Variants in NCOA1 observed in about 807,000 individuals in gnomAD.
NCOA1 encodes the protein Hin-2 protein.
NCOA1 carries 35 observed loss-of-function variants against 150.9 expected under a neutral mutation model. The observed-to-expected ratio is 0.23, with a 90% CI of 0.18 to 0.31. NCOA1 has a LOEUF of 0.31. Ranked by LOEUF, NCOA1 falls within the 10% of genes least tolerant of loss-of-function variation. The pLI, the probability that NCOA1 is intolerant of heterozygous loss-of-function variation, is 1.00. For synonymous variants in NCOA1, 590 were observed against 630.0 expected (o/e 0.94, Z 0.95); for missense variants, 1,491 against 1,749.3 (o/e 0.85, Z 2.63).
In NCOA1 at chr2:24,718,007, G is replaced by A. The variant is rs1184047907; in HGVS notation, c.2599+6896G>A. ...TGCCTCTCAAGTTCAAGCAATTCTCGTGCCTCAGCCTTCCAAGTAGCTGGG... is the reference window on the plus strand; with the variant it reads ...TGCCTCTCAAGTTCAAGCAATTCTCATGCCTCAGCCTTCCAAGTAGCTGGG... On this transcript the variant is annotated intron_variant, in intron 14 of 22. Coordinates refer to ENST00000348332, the MANE Select transcript of NCOA1 (RefSeq NM_003743.5). 3.3e-5 allele frequency among the ~76,000 whole-genome samples: 5 copies of A among 149,422 alleles called. 1 individual carries two copies. The East Asian group carries it at 5.9e-4, about 18-fold the overall frequency.
At chr2:24,728,267 GC>G in intron 15 of NCOA1, 40 bp from the exon 16 acceptor site, 1 of 1,544,842 alleles carries the variant, frequency 6.5e-7, no homozygotes, top group Non-Finnish European at 8.8e-7. Context: ...TAAATTATTT[GC>G]TATGTCAGTC....
In NCOA1 at chr2:24,634,337, A is replaced by G. The variant is rs191587210; in HGVS notation, c.-174-9629A>G. ...TTGTTAATTCTGAGTGATAGATCAT[A>G]GGTATTTAGTTGTTGTGTTTTTCTT... On this transcript the variant is annotated intron_variant, in intron 3 of 22. Coordinates refer to ENST00000348332, the MANE Select transcript of NCOA1 (RefSeq NM_003743.5). Among the ~76,000 whole-genome samples the G allele has an allele frequency of 1.1e-3, 175 of 152,310 alleles. 2 individuals are homozygous for G. Among genetic ancestry groups the G allele is most frequent in the Non-Finnish European group, 2.1e-3 (144 of 68,018 alleles).
chr2:24,673,733 T>C (rs1443550780), intron 7 of NCOA1, among the ~76,000 whole-genome samples: 1 of 152,192 alleles, frequency 6.6e-6, no homozygotes, highest in East Asian at 1.9e-4. Context: ...TTTATTTCTG[T>C]GGTGGTTAGG....
At chr2:24,631,223 A>G (rs1292739280) in intron 3 of NCOA1, among the ~76,000 whole-genome samples, 4 of 152,168 alleles carry the variant, frequency 2.6e-5, no homozygotes, top group Admixed American at 2.0e-4. Context: ...TATAATTGCC[A>G]TTAGTGTTAA....
chr2:24,715,089 A>T (rs1673950968), intron 14 of NCOA1, among the ~76,000 whole-genome samples: 2 of 152,150 alleles, frequency 1.3e-5, no homozygotes, highest in South Asian at 2.1e-4. Context: ...TCAGAAATGC[A>T]GGTGAAATAA....
At chr2:24,628,733 A>T (rs904616044) in intron 3 of NCOA1, among the ~76,000 whole-genome samples, 6 of 152,226 alleles carry the variant, frequency 3.9e-5, no homozygotes, top group Non-Finnish European at 8.8e-5. Flanking sequence ...AATTGGATAG[A>T]TGAAGAAGGT....
At chr2:24,531,673 T>C (rs1664907851) in intron 1 of NCOA1, among the ~76,000 whole-genome samples, 1 of 152,204 alleles carries the variant, frequency 6.6e-6, no homozygotes, top group Non-Finnish European at 1.5e-5. Context: ...GTTCTCATTG[T>C]TCAGTTCCCA....
At chr2:24,597,208 A>G (rs1667921185) in intron 3 of NCOA1, among the ~76,000 whole-genome samples, 1 of 152,148 alleles carries the variant, frequency 6.6e-6, no homozygotes. Context: ...TGAGCTCATA[A>G]CCTATAACCT....
intron 4 of NCOA1, among the ~76,000 whole-genome samples, chr2:24,646,489 G>T (rs2148468194): frequency 6.6e-6 from 1 of 152,170 alleles, no homozygotes; most frequent in African/African-American, 2.4e-5. Flanking sequence ...TTGCATAGTT[G>T]TCACATTTGT....
intron 1 of NCOA1, among the ~76,000 whole-genome samples, chr2:24,516,998 ACGCG>A (rs765324594): frequency 1.6e-5 from 1 of 62,652 alleles, no homozygotes; most frequent in Non-Finnish European, 4.0e-5. Context: ...ATATATACAC[ACGCG>A]CGCACACACA....
intron 2 of NCOA1, among the ~76,000 whole-genome samples, chr2:24,572,158 C>G (rs1161293372): frequency 1.3e-5 from 2 of 152,066 alleles, no homozygotes; most frequent in Admixed American, 1.3e-4. Context: ...TTGTTCTTTA[C>G]TCTTTAGGTA....
chr2:24,585,683 T>G (rs1202695887), intron 3 of NCOA1, among the ~76,000 whole-genome samples: 1 of 152,202 alleles, frequency 6.6e-6, no homozygotes. Flanking sequence ...TTATTAGTTC[T>G]GATAGCATTT....
chr2:24,587,057 G>A (rs1667442950), intron 3 of NCOA1, among the ~76,000 whole-genome samples: 1 of 151,428 alleles, frequency 6.6e-6, no homozygotes, highest in Non-Finnish European at 1.5e-5. Flanking sequence ...CCTCAGTAGT[G>A]CAGCTTCATA....
intron 3 of NCOA1, among the ~76,000 whole-genome samples, chr2:24,625,290 C>A (rs181051442): frequency 9.6e-4 from 143 of 148,904 alleles, no homozygotes; most frequent in African/African-American, 3.4e-3. Flanking sequence ...TGCTTGAACC[C>A]AGGAGGTGGG....
intron 11 of NCOA1, among the ~76,000 whole-genome samples, chr2:24,698,732 A>G (rs1366232339): frequency 6.6e-6 from 1 of 152,208 alleles, no homozygotes; most frequent in Non-Finnish European, 1.5e-5. Context: ...AAAACAATTT[A>G]AAAATATGTT....
intron 3 of NCOA1, among the ~76,000 whole-genome samples, chr2:24,614,482 G>A (rs780232215): frequency 1.3e-5 from 2 of 151,372 alleles, no homozygotes; most frequent in Non-Finnish European, 3.0e-5. Context: ...TGCCTGCCTC[G>A]GCCTTGCAAA....
chr2:24,525,907 T>A (rs1664634309), intron 1 of NCOA1, among the ~76,000 whole-genome samples: 1 of 152,210 alleles, frequency 6.6e-6, no homozygotes, highest in Non-Finnish European at 1.5e-5. Context: ...CTCTTCTTAT[T>A]GCTCCTAGTT....
intron 3 of NCOA1, among the ~76,000 whole-genome samples, chr2:24,611,403 A>AC (rs1668620587): frequency 6.6e-6 from 1 of 152,188 alleles, no homozygotes; most frequent in Non-Finnish European, 1.5e-5. Flanking sequence ...GCTGCAGTGA[A>AC]CGTAAGAGTA....
intron 19 of NCOA1, among the ~76,000 whole-genome samples, chr2:24,746,485 C>T (rs915899570): frequency 3.9e-5 from 6 of 151,930 alleles, no homozygotes; most frequent in African/African-American, 1.5e-4. Context: ...GAGGTTGCAG[C>T]GAGCCAAGAT....
Sources: allele counts gnomAD v4.1 joint callset (sites outside exome capture counted in the v4.1 genomes callset), GRCh38; gene constraint gnomAD v4.1.1; transcripts MANE v1.5; gene names NCBI Gene and HGNC (gene_info 2026-07-23, HGNC 2026-07-21).